The following HMCN2 variants were observed in gnomAD, a reference collection of about 807,000 sequenced individuals.
HMCN2 encodes the protein hemicentin-2.
A neutral mutation model predicts 377.5 loss-of-function variants in HMCN2; 325 were observed. The ratio of observed to expected loss-of-function variants is 0.86; its 90% CI spans 0.79 to 0.94. The LOEUF (loss-of-function observed/expected upper bound fraction) is 0.94, where lower values mean the gene tolerates loss of function less well. Among genes scored for constraint, HMCN2 ranks in the 40% least tolerant of loss-of-function variants. The pLI is 0.00. For missense variants in HMCN2, 4,543 were observed against 4,725.3 expected, an observed-to-expected ratio of 0.96 and a Z score of 1.13; for synonymous variants, 2,007 against 2,046.8, an observed-to-expected ratio of 0.98 and a Z score of 0.53.
At chr9:130,333,401 C>T (rs1838530378) in intron 22 of HMCN2, among the ~76,000 whole-genome samples, 1 of 152,198 alleles carries the variant, frequency 6.6e-6, no homozygotes, top group Admixed American at 6.5e-5. Flanking sequence ...TATCAGATGC[C>T]CTTTGGTCTC....
In HMCN2 at chr9:130,360,746, A is replaced by C; in HGVS notation, c.5950+142A>C. On this transcript the variant is annotated intron_variant, in intron 38 of 97. Coordinates refer to ENST00000683500, the MANE Select transcript of HMCN2 (RefSeq NM_001291815.2). This position sits in a 1 kb window ranked among gnomAD's most constrained non-coding sequence, Gnocchi z 4.7. ...CCGTTACCCCATCCATCCATCATCC[A>C]TCCAACCATCCATCCATCCATCCAT... 8.8e-6 allele frequency: 3 copies of C among 341,950 alleles called. No individual in the cohort carries two copies. Among genetic ancestry groups the C allele is most frequent in the South Asian group, 2.5e-5 (1 of 40,670 alleles). The allele number at this position is 341,950 out of a possible 1,614,324, so 21.2% of individuals were successfully genotyped here. A position where few individuals can be genotyped will look rare whatever the true frequency, so the allele number is the denominator to read the frequency against.
intron 22 of HMCN2, among the ~76,000 whole-genome samples, chr9:130,336,067 C>A (rs1273809357): frequency 6.6e-6 from 1 of 151,994 alleles, no homozygotes; most frequent in African/African-American, 2.4e-5. Context: ...AGGAGACCTG[C>A]TCCGGTGCAT....
At chr9:130,318,986 C>G (rs895015429) in intron 15 of HMCN2, among the ~76,000 whole-genome samples, 2 of 152,300 alleles carry the variant, frequency 1.3e-5, no homozygotes, top group East Asian at 3.9e-4. Context: ...GCCATGCTCC[C>G]CTCCACAGAA....
In HMCN2 at chr9:130,309,986, G is replaced by T. The variant is rs782552587; in HGVS notation, c.2275G>T (p.Asp759Tyr). Residue 759 changes from aspartate (D) to tyrosine (Y), a missense_variant, in exon 15 of 98, where the codon GAT becomes TAT. Coordinates refer to ENST00000683500, the MANE Select transcript of HMCN2 (RefSeq NM_001291815.2). Reference protein sequence around the residue: ...KLRIPAAQERDAGTYTCRAVN... With the variant: ...KLRIPAAQERYAGTYTCRAVN... Reference sequence around the variant, plus strand: ...GCGGATCCCGGCGGCTCAGGAGAGGGATGCTGGCACCTACACCTGCCGGGC... The same window carrying T: ...GCGGATCCCGGCGGCTCAGGAGAGGTATGCTGGCACCTACACCTGCCGGGC... 4.9e-5 allele frequency: 26 copies of T among 533,334 alleles called. No homozygotes were observed. Among genetic ancestry groups the T allele is most frequent in the Admixed American group, 1.9e-5 (1 of 51,456 alleles). The allele number at this position is 533,334 out of a possible 1,614,324, so 33.0% of individuals were successfully genotyped here. A position where few individuals can be genotyped will look rare whatever the true frequency, so the allele number is the denominator to read the frequency against.
intron 79 of HMCN2, 144 bp downstream of exon 79, chr9:130,403,472 C>T (rs895491619): frequency 3.1e-6 from 3 of 953,870 alleles, no homozygotes; most frequent in African/African-American, 1.7e-5. Context: ...GATACGCCCC[C>T]ACCCTTGCTC....
At position 130,299,042 on chromosome 9, in the gene HMCN2, G is replaced by C; in HGVS notation, c.1030G>C (p.Val344Leu). 2 of 470,440 alleles carry C rather than the reference G, an allele frequency of 4.3e-6. No individual in the cohort carries two copies. Among genetic ancestry groups the C allele is most frequent in the South Asian group, 3.1e-5 (2 of 64,530 alleles). 29.1% of individuals were successfully genotyped at this position (470,440 alleles called of 1,614,324 possible). ...WPLQGVPISLVINSTGLKAPG... is the reference protein window; with the variant it reads ...WPLQGVPISLLINSTGLKAPG... ...CTCTGCAGGAGTCCCCATCTCCCTGGTGATCAATTCCACGGGCCTGAAGGC... is the reference window on the plus strand; with the variant it reads ...CTCTGCAGGAGTCCCCATCTCCCTGCTGATCAATTCCACGGGCCTGAAGGC... Residue 344 changes from valine (V) to leucine (L), a missense_variant, in exon 8 of 98, where the codon GTG becomes CTG. Transcript: ENST00000683500.
At chr9:130,358,242 G>A (rs1395440593) in intron 35 of HMCN2, 148 bp from the exon 36 acceptor site, 17 of 919,728 alleles carry the variant, frequency 1.8e-5, no homozygotes, top group Non-Finnish European at 2.5e-5. Context: ...GAATCCAAGT[G>A]CTTGGCTCAT....
intron 45 of HMCN2, among the ~76,000 whole-genome samples, chr9:130,370,066 C>T (rs990487818): frequency 1.3e-5 from 2 of 148,724 alleles, no homozygotes; most frequent in Non-Finnish European, 3.0e-5. Context: ...TCCCCCAATT[C>T]GCCTCTCCTC....
At chr9:130,405,899 C>A in intron 81 of HMCN2, 56 bp from the exon 82 acceptor site, 1 of 1,212,428 alleles carries the variant, frequency 8.2e-7, no homozygotes, top group Non-Finnish European at 1.1e-6. Flanking sequence ...TCAGGGGCAT[C>A]CTGACCTATG....
At position 130,418,777 on chromosome 9, in the gene HMCN2, C is replaced by T; in HGVS notation, c.12967C>T (p.Pro4323Ser). The T allele has an allele frequency of 7.0e-7, 1 of 1,434,904 alleles. No homozygotes were observed. Among genetic ancestry groups the T allele is most frequent in the Non-Finnish European group, 9.2e-7 (1 of 1,085,914 alleles). 88.9% of individuals were successfully genotyped at this position (1,434,904 alleles called of 1,614,324 possible). A position where few individuals can be genotyped will look rare whatever the true frequency, so the allele number is the denominator to read the frequency against. ...KVVILVLQSA[P>S]VFQVEPQDMT... is the part of the protein sequence containing the mutation. ...GCCACCTGGGCCTCCCACAGGTGCTCCGGTGTTCCAGGTGGAGCCCCAGGA... is the reference window on the plus strand; with the variant it reads ...GCCACCTGGGCCTCCCACAGGTGCTTCGGTGTTCCAGGTGGAGCCCCAGGA... The change falls in exon 86 of 98, where the codon CCG (proline) becomes TCG (serine). Residue 4323 changes from proline (P) to serine (S), a missense_variant. This residue lies in a region of HMCN2 where 1,155 missense variants were observed against 1,157.7 expected (regional missense o/e 1.00). Coordinates refer to ENST00000683500, the MANE Select transcript of HMCN2 (RefSeq NM_001291815.2).
Position 130,394,246 on chromosome 9 carries a change from A to C in HMCN2, c.10502-139A>C. 1 of 592,674 alleles carries C rather than the reference A, an allele frequency of 1.7e-6. No individual in the cohort carries two copies. Among genetic ancestry groups the C allele is most frequent in the Non-Finnish European group, 2.6e-6 (1 of 391,936 alleles). 36.7% of individuals were successfully genotyped at this position (592,674 alleles called of 1,614,324 possible). A position where few individuals can be genotyped will look rare whatever the true frequency, so the allele number is the denominator to read the frequency against. ...GCTGTGCTCCTGGTTTCTTTCCACC[A>C]AACCTTGGTGGCAGATGCAAGAACA... is the stretch of plus-strand genomic sequence containing the variant. On this transcript the variant is annotated intron_variant, in intron 68 of 97. Transcript: ENST00000683500. The surrounding 1 kb of genome is among the most constrained non-coding windows in gnomAD (Gnocchi z 5.1).
At chr9:130,412,587 A>G (rs1213634162) in intron 85 of HMCN2, among the ~76,000 whole-genome samples, 1 of 38,050 alleles carries the variant, frequency 2.6e-5, no homozygotes, top group Non-Finnish European at 6.2e-5. Context: ...TTTTGTTTTA[A>G]TATTTTTGGG....
intron 2 of HMCN2, 75 bp downstream of exon 2, chr9:130,284,748 G>A (rs1419978663): frequency 1.1e-5 from 5 of 464,950 alleles, no homozygotes; most frequent in African/African-American, 8.0e-5. Context: ...AGGTAGCTTC[G>A]AGTGATTCCC....
At chr9:130,318,525 C>T (rs1208580762) in intron 15 of HMCN2, among the ~76,000 whole-genome samples, 2 of 151,960 alleles carry the variant, frequency 1.3e-5, no homozygotes, top group African/African-American at 4.8e-5. Context: ...TTTTTCTTCT[C>T]CTGATTATAA....
rs1837874803 is a variant in HMCN2 at position 130,321,939 on chromosome 9, C to T, written c.2920+8C>T. 6.6e-6 allele frequency: 1 copy of T among 151,512 alleles called. No individual in the cohort carries two copies. The highest frequency in any genetic ancestry group is 1.5e-5 in the Non-Finnish European group (1 of 67,884). The allele number at this position is 151,512 out of a possible 1,614,324, so 9.4% of individuals were successfully genotyped here. On this transcript the variant is annotated splice_region_variant and intron_variant, in intron 19 of 97. Coordinates refer to ENST00000683500, the MANE Select transcript of HMCN2 (RefSeq NM_001291815.2). ...TGGAGCTGGTGGTCCAGGGTGAGTCCTGGGGTCTCGGAGGTGGTGGTCGTG... is the reference window on the plus strand; with the variant it reads ...TGGAGCTGGTGGTCCAGGGTGAGTCTTGGGGTCTCGGAGGTGGTGGTCGTG...
intron 92 of HMCN2, 143 bp downstream of exon 92, chr9:130,427,762 G>C: frequency 1.9e-6 from 2 of 1,057,902 alleles, no homozygotes; most frequent in South Asian, 3.4e-5. Context: ...ATGTCAGCCT[G>C]GGGGTCCCAA....
rs1841386587 is a variant in HMCN2, at chr9:130,376,521, C to G, written c.7924C>G (p.Pro2642Ala). 5.1e-6 allele frequency: 5 copies of G among 985,792 alleles called. No individual in the cohort carries two copies. In the South Asian group the frequency reaches 1.9e-4, roughly 37 times the overall value. 61.1% of individuals were successfully genotyped at this position (985,792 alleles called of 1,614,324 possible). A position where few individuals can be genotyped will look rare whatever the true frequency, so the allele number is the denominator to read the frequency against. The change falls in exon 52 of 98, where the codon CCT (proline) becomes GCT (alanine). Residue 2642 changes from proline to alanine, a missense_variant. Physicochemically the swap from Pro to Ala is conservative, Grantham distance 27 (BLOSUM62 -1). Coordinates refer to ENST00000683500, the MANE Select transcript of HMCN2 (RefSeq NM_001291815.2). ...KNYHVEVLIP[P>A]SISKDDPLAE... Reference sequence around the variant, plus strand: ...AGACCCCTCGTGCTTTTCAGTCCCCCCTTCCATCTCCAAAGACGACCCCTT... The same window carrying G: ...AGACCCCTCGTGCTTTTCAGTCCCCGCTTCCATCTCCAAAGACGACCCCTT...
At chr9:130,384,231 A>C in intron 57 of HMCN2, 142 bp from the exon 58 acceptor site, 1 of 596,824 alleles carries the variant, frequency 1.7e-6, no homozygotes, top group Non-Finnish European at 2.5e-6. Context: ...AGTCATGGCA[A>C]ATGGAGGTTT....
chr9:130,291,533 C>G (rs1175825180), intron 4 of HMCN2, among the ~76,000 whole-genome samples: 1 of 152,140 alleles, frequency 6.6e-6, no homozygotes, highest in African/African-American at 2.4e-5. Flanking sequence ...TTTTAAATGA[C>G]TTTACTTTAA....
Sources: allele counts gnomAD v4.1 joint callset (sites outside exome capture counted in the v4.1 genomes callset), GRCh38; gene constraint gnomAD v4.1.1; regional missense constraint gnomAD v4.1.1; non-coding constraint Gnocchi (gnomAD v3.1); transcripts MANE v1.5; gene names NCBI Gene and HGNC (gene_info 2026-07-23, HGNC 2026-07-21).